Variants in LPL observed in about 807,000 individuals in gnomAD.
LPL encodes phospholipase A1.
In LPL, 43 loss-of-function variants were observed where a neutral mutation model predicts 52.2. The ratio of observed to expected loss-of-function variants is 0.82; its 90% CI spans 0.64 to 1.06. LPL has a LOEUF of 1.06. LPL is among the 50% of genes least tolerant of loss of function. LPL has a pLI of 0.00. For synonymous variants in LPL, 244 were observed against 215.6 expected (o/e 1.13, Z -1.15); for missense variants, 639 against 585.3 (o/e 1.09, Z -0.95).
chr8:19,945,203 G>A (rs1282515022), intron 1 of LPL, among the ~76,000 whole-genome samples: 1 of 152,008 alleles, frequency 6.6e-6, no homozygotes, highest in Non-Finnish European at 1.5e-5. Context: ...GGATGCATTG[G>A]GACAAATAAA....
chr8:19,942,275 T>C (rs2128835756), intron 1 of LPL, among the ~76,000 whole-genome samples: 1 of 152,274 alleles, frequency 6.6e-6, no homozygotes, highest in East Asian at 1.9e-4. Flanking sequence ...CTTACAATAT[T>C]TTGCAGCTAG....
At chr8:19,948,377 G>A (rs921225884) in intron 2 of LPL, 37 bp downstream of exon 2, 8 of 1,612,166 alleles carry the variant, frequency 5.0e-6, no homozygotes, top group Non-Finnish European at 6.8e-6. Flanking sequence ...GGATTGGGGT[G>A]GTGAGGTATC....
chr8:19,947,569 G>A (rs138110428), intron 1 of LPL, among the ~76,000 whole-genome samples: 142 of 152,146 alleles, frequency 9.3e-4, no homozygotes, highest in African/African-American at 3.3e-3. Context: ...GTTCGAGGGT[G>A]CAGTGAACCA....
At chr8:19,956,559 G>A (rs2069987913) in intron 6 of LPL, among the ~76,000 whole-genome samples, 1 of 152,110 alleles carries the variant, frequency 6.6e-6, no homozygotes, top group South Asian at 2.1e-4. Context: ...CATCACCCAG[G>A]TATTAAGCTT....
chr8:19,941,869 G>T (rs951171811), intron 1 of LPL, among the ~76,000 whole-genome samples: 6 of 152,182 alleles, frequency 3.9e-5, no homozygotes, highest in African/African-American at 1.4e-4. Context: ...ACTGTCCTCA[G>T]GCACTTCGTC....
At chr8:19,956,173 A>C (rs2069984105) in intron 6 of LPL, 90 bp downstream of exon 6, 5 of 1,565,962 alleles carry the variant, frequency 3.2e-6, no homozygotes, top group Non-Finnish European at 4.4e-6. Context: ...GTCCATTGGA[A>C]CAGAGATGAT....
chr8:19,948,537 C>T (rs2128837078), intron 2 of LPL, 197 bp downstream of exon 2: 1 of 617,134 alleles, frequency 1.6e-6, no homozygotes, highest in Admixed American at 3.1e-5. Flanking sequence ...GCAGTGCCAG[C>T]CTTCATTTTA....
intron 6 of LPL, among the ~76,000 whole-genome samples, chr8:19,956,737 T>C (rs1163760342): frequency 6.6e-6 from 1 of 152,208 alleles, no homozygotes; most frequent in East Asian, 1.9e-4. Flanking sequence ...ATAACAGAGT[T>C]GATAGCCCAC....
Position 19,939,384 on chromosome 8 carries a change from A to C in LPL, c.-57A>C. The C allele has an allele frequency of 1.3e-6, 2 of 1,534,580 alleles. No homozygotes were observed. Among genetic ancestry groups the C allele is most frequent in the South Asian group, 2.4e-5 (2 of 84,528 alleles). ...TCCAGCCCTCTCCAGCCTCCGGCTC[A>C]GCCGGCTCATCAGTCGGTCCGCGCC... On this transcript the variant is annotated 5_prime_UTR_variant, in exon 1 of 10. Coordinates refer to ENST00000650287, the MANE Select transcript of LPL (RefSeq NM_000237.3). The surrounding 1 kb of genome is among the most constrained non-coding windows in gnomAD (Gnocchi z 4.0).
intron 3 of LPL, among the ~76,000 whole-genome samples, chr8:19,952,511 C>G (rs749404555): frequency 6.6e-6 from 1 of 152,082 alleles, no homozygotes; most frequent in Non-Finnish European, 1.5e-5. Context: ...CTTTTTCACA[C>G]GATCCCTTGA....
Position 19,954,512 on chromosome 8 carries a change from G to C in LPL, c.775+159G>C, listed in dbSNP as rs74382962. On this transcript the variant is annotated intron_variant, in intron 5 of 9. Transcript: ENST00000650287. ...TGCAATGTTCAGCATGACCACCTTA[G>C]AGCCAGGCAGACAGCCATTTTATCT... is the stretch of plus-strand genomic sequence containing the variant. 6.8e-4 allele frequency among the ~76,000 whole-genome samples: 103 copies of C among 152,272 alleles called. 2 individuals are homozygous for C. Among genetic ancestry groups the C allele is most frequent in the Non-Finnish European group, 1.1e-3 (72 of 68,032 alleles).
intron 9 of LPL, among the ~76,000 whole-genome samples, chr8:19,963,818 G>C (rs1394076944): frequency 6.6e-6 from 1 of 152,056 alleles, no homozygotes; most frequent in East Asian, 1.9e-4. Context: ...GCAAAATAAC[G>C]CAATTCTTAT....
Position 19,939,347 on chromosome 8 carries a change from C to T in LPL, c.-94C>T, listed in dbSNP as rs931492842. 4 of 1,273,590 alleles carry T rather than the reference C, an allele frequency of 3.1e-6. No homozygotes were observed. The African/African-American group carries it at 4.4e-5, about 14-fold the overall frequency. The allele number at this position is 1,273,590 out of a possible 1,614,324, so 78.9% of individuals were successfully genotyped here. ...CCTTTAAAGGGCGACTTGCTCAGCG[C>T]CAAACCGCGGCTCCAGCCCTCTCCA... is the stretch of plus-strand genomic sequence containing the variant. On this transcript the variant is annotated 5_prime_UTR_variant, in exon 1 of 10. Transcript: ENST00000650287. This position sits in a 1 kb window ranked among gnomAD's most constrained non-coding sequence, Gnocchi z 4.0.
chr8:19,951,573 T>C (rs2069934495), intron 2 of LPL, 196 bp from the exon 3 acceptor site: 1 of 693,926 alleles, frequency 1.4e-6, no homozygotes, highest in Non-Finnish European at 2.6e-6. Context: ...ACTCAATGCC[T>C]TCCTGGCTTA....
In LPL at chr8:19,939,426, G is replaced by C. The variant is rs769870617; in HGVS notation, c.-15G>C. ...GTCCGCGCCTTGCAGCTCCTCCAGA[G>C]GGACGCGCCCCGAGATGGAGAGCAA... On this transcript the variant is annotated 5_prime_UTR_variant, in exon 1 of 10. Transcript: ENST00000650287. The surrounding 1 kb of genome is among the most constrained non-coding windows in gnomAD (Gnocchi z 4.0). 9 of 1,601,524 alleles carry C rather than the reference G, an allele frequency of 5.6e-6. No individual in the cohort carries two copies. The highest frequency in any genetic ancestry group is 6.8e-6 in the Non-Finnish European group (8 of 1,174,812).
At chr8:19,954,376 T>G in intron 5 of LPL, 23 bp downstream of exon 5, 1 of 1,599,324 alleles carries the variant, frequency 6.3e-7, no homozygotes, top group Non-Finnish European at 8.6e-7. Flanking sequence ...TAGAAGCGAA[T>G]TAAATGTGAC....
At position 19,964,101 on chromosome 8, in the gene LPL, C is replaced by T. The variant is rs903806156; in HGVS notation, c.*-1209C>T. Among the ~76,000 whole-genome samples, 33 of 151,970 alleles carry T rather than the reference C, an allele frequency of 2.2e-4. 1 individual carries two copies. The highest frequency in any genetic ancestry group is 1.8e-4 in the Non-Finnish European group (12 of 67,964). ...CCAAGTAGCTGGGATTACACGTGTC[C>T]GCCACCACACCTGGCTAATTTCGTA... On this transcript the variant is annotated intron_variant, in intron 9 of 9. Transcript: ENST00000650287.
At position 19,959,315 on chromosome 8, in the gene LPL, C is replaced by T. The variant is rs773686669; in HGVS notation, c.1074C>T (p.Thr358=). Residue 358 remains threonine (T), a synonymous_variant, in exon 7 of 10, where the codon ACC becomes ACT. Coordinates refer to ENST00000650287, the MANE Select transcript of LPL (RefSeq NM_000237.3). ...CTGGGACTGAGAGTGAAACCCATACCAATCAGGCCTTTGAGATTTCTCTGT... is the reference window on the plus strand; with the variant it reads ...CTGGGACTGAGAGTGAAACCCATACTAATCAGGCCTTTGAGATTTCTCTGT... ...HFSGTESETH[T]NQAFEISLYG... is the part of the protein sequence containing the mutation. 34 of 1,613,922 alleles carry T rather than the reference C, an allele frequency of 2.1e-5. No homozygotes were observed. Among genetic ancestry groups the T allele is most frequent in the Non-Finnish European group, 2.9e-5 (34 of 1,179,968 alleles).
At chr8:19,956,201 C>A in intron 6 of LPL, 118 bp downstream of exon 6, 1 of 1,417,982 alleles carries the variant, frequency 7.1e-7, no homozygotes, top group Non-Finnish European at 9.8e-7. Flanking sequence ...GTTACTAAAC[C>A]CTGAGCCCTG....
Sources: gnomAD v4.1 joint callset for allele counts (sites outside exome capture counted in the v4.1 genomes callset) on GRCh38, gnomAD v4.1.1 for gene constraint, Gnocchi (gnomAD v3.1) non-coding constraint, MANE v1.5 for transcripts, NCBI Gene and HGNC (gene_info 2026-07-23, HGNC 2026-07-21) for gene names.